PTPN21: variants seen among roughly 807,000 people sequenced by gnomAD.
PTPN21 encodes the protein tyrosine-protein phosphatase non-receptor type 21.
In PTPN21, 77 loss-of-function variants were observed where a neutral mutation model predicts 131.8. The ratio of observed to expected loss-of-function variants is 0.58; its 90% CI spans 0.49 to 0.71. The LOEUF is 0.71. Among genes scored for constraint, PTPN21 ranks in the 30% least tolerant of loss-of-function variants. The pLI, the probability that PTPN21 is intolerant of heterozygous loss-of-function variation, is 0.00. For synonymous variants in PTPN21, 715 were observed against 621.3 expected, an observed-to-expected ratio of 1.15 and a Z score of -2.24; for missense variants, 1,552 against 1,527.1, an observed-to-expected ratio of 1.02 and a Z score of -0.27.
At chr14:88,505,715 A>C (rs2139283366) in intron 4 of PTPN21, among the ~76,000 whole-genome samples, 1 of 152,364 alleles carries the variant, frequency 6.6e-6, no homozygotes, top group East Asian at 1.9e-4. Context: ...CCAAATTGTC[A>C]ACAGTACTGA....
chr14:88,510,882 A>AATGG (rs928937734), intron 3 of PTPN21, among the ~76,000 whole-genome samples: 2 of 151,990 alleles, frequency 1.3e-5, no homozygotes, highest in Admixed American at 6.6e-5. Context: ...AGGATGGATG[A>AATGG]ATGGATGGAT....
At chr14:88,531,919 A>AT (rs1348607652) in intron 2 of PTPN21, among the ~76,000 whole-genome samples, 1 of 152,202 alleles carries the variant, frequency 6.6e-6, no homozygotes, top group Non-Finnish European at 1.5e-5. Context: ...GAACTGGGAG[A>AT]TATTACAACC....
intron 13 of PTPN21, among the ~76,000 whole-genome samples, chr14:88,474,969 G>A (rs2077527572): frequency 6.6e-6 from 1 of 152,094 alleles, no homozygotes; most frequent in Non-Finnish European, 1.5e-5. Context: ...GCACATGCCT[G>A]TAATCCCAGC....
At chr14:88,486,869 G>A (rs932412093) in intron 10 of PTPN21, among the ~76,000 whole-genome samples, 7 of 151,598 alleles carry the variant, frequency 4.6e-5, no homozygotes, top group East Asian at 1.9e-4. Context: ...CCAGCTACTC[G>A]GGAGTCTGAG....
At chr14:88,532,908 A>T (rs1271541057) in intron 2 of PTPN21, among the ~76,000 whole-genome samples, 1 of 152,184 alleles carries the variant, frequency 6.6e-6, no homozygotes, top group Non-Finnish European at 1.5e-5. Flanking sequence ...AACAACAATC[A>T]CTGTTCCTAA....
intron 12 of PTPN21, among the ~76,000 whole-genome samples, chr14:88,482,944 G>A (rs1209824690): frequency 1.3e-5 from 2 of 151,872 alleles, no homozygotes; most frequent in Admixed American, 6.6e-5. Flanking sequence ...GCTGGGCACA[G>A]TGGCTCACAC....
chr14:88,498,144 C>T (rs112059760), intron 8 of PTPN21, among the ~76,000 whole-genome samples: 1,547 of 149,162 alleles, frequency 0.01, 10 homozygotes, highest in African/African-American at 0.036. Flanking sequence ...GGCGAGGTGG[C>T]AGGCACCTGT....
intron 2 of PTPN21, chr14:88,547,501 A>C (rs2078800292): frequency 3.5e-6 from 1 of 282,820 alleles, no homozygotes; most frequent in Non-Finnish European, 7.0e-6. Context: ...AGTTAAAAAA[A>C]AAATTAGCTG....
At chr14:88,509,363 A>G (rs934162855) in intron 3 of PTPN21, among the ~76,000 whole-genome samples, 4 of 152,180 alleles carry the variant, frequency 2.6e-5, no homozygotes, top group Non-Finnish European at 5.9e-5. Context: ...GTTACAGTTC[A>G]TGTTTGAATT....
At position 88,467,381 on chromosome 14, in the gene PTPN21, T is replaced by C. The variant is rs2077380977; in HGVS notation, c.*756A>G. 1.3e-5 allele frequency: 2 copies of C among 152,220 alleles called. No homozygotes were observed. Among genetic ancestry groups the C allele is most frequent in the Admixed American group, 1.3e-4 (2 of 15,286 alleles). The allele number at this position is 152,220 out of a possible 1,614,324, so 9.4% of individuals were successfully genotyped here. On this transcript the variant is annotated 3_prime_UTR_variant, in exon 19 of 19. Coordinates refer to ENST00000556564, the MANE Select transcript of PTPN21 (RefSeq NM_007039.4). Reference sequence around the variant, plus strand: ...ATGAATAATACTGAAAAAATAATGCTTATTCTCTTACATTTTAAATAATGT... The same window carrying C: ...ATGAATAATACTGAAAAAATAATGCCTATTCTCTTACATTTTAAATAATGT...
At chr14:88,501,643 A>T (rs2078010086) in intron 6 of PTPN21, among the ~76,000 whole-genome samples, 1 of 152,064 alleles carries the variant, frequency 6.6e-6, no homozygotes, top group Non-Finnish European at 1.5e-5. Context: ...CTTAGGGTGA[A>T]ATCTTGAACT....
chr14:88,469,454 A>G lies in PTPN21; in HGVS notation c.3235+45T>C. Reference sequence around the variant, plus strand: ...ACATAAATGTTCCTCTCTGTTTAACACCTCCAGAGGCAGCTGTCCTCGGAA... The same window carrying G: ...ACATAAATGTTCCTCTCTGTTTAACGCCTCCAGAGGCAGCTGTCCTCGGAA... On this transcript the variant is annotated intron_variant, in intron 17 of 18. Coordinates refer to ENST00000556564, the MANE Select transcript of PTPN21 (RefSeq NM_007039.4). The surrounding 1 kb of genome is among the most constrained non-coding windows in gnomAD (Gnocchi z 4.3). The G allele has an allele frequency of 2.7e-6, 4 of 1,469,794 alleles. No individual in the cohort carries two copies. Among genetic ancestry groups the G allele is most frequent in the Non-Finnish European group, 3.8e-6 (4 of 1,050,034 alleles). The allele number at this position is 1,469,794 out of a possible 1,614,324, so 91.0% of individuals were successfully genotyped here.
chr14:88,542,832 A>T (rs1036824382), intron 2 of PTPN21, among the ~76,000 whole-genome samples: 8 of 152,190 alleles, frequency 5.3e-5, no homozygotes, highest in African/African-American at 1.9e-4. Context: ...AACCAACCTA[A>T]CATTATATTT....
intron 18 of PTPN21, 45 bp from the exon 19 acceptor site, chr14:88,468,310 G>T: frequency 2.0e-6 from 3 of 1,515,154 alleles, no homozygotes; most frequent in Non-Finnish European, 2.7e-6. Context: ...TTCCCCTGGG[G>T]AGACAGAAAG....
At chr14:88,474,124 T>G in intron 13 of PTPN21, among the ~76,000 whole-genome samples, 1 of 64,102 alleles carries the variant, frequency 1.6e-5, no homozygotes. Flanking sequence ...ACAAATCAGC[T>G]GAAGTCCAAA....
chr14:88,478,076 G>A (rs1379685799), intron 13 of PTPN21, among the ~76,000 whole-genome samples: 5 of 152,132 alleles, frequency 3.3e-5, no homozygotes, highest in African/African-American at 1.2e-4. Context: ...TAATATCTAA[G>A]TCTGTTTCTT....
intron 2 of PTPN21, among the ~76,000 whole-genome samples, chr14:88,535,482 C>T (rs1474371551): frequency 1.3e-5 from 2 of 152,178 alleles, no homozygotes; most frequent in Admixed American, 6.5e-5. Flanking sequence ...GAATGTCTCA[C>T]TTCCTCACTG....
intron 2 of PTPN21, among the ~76,000 whole-genome samples, chr14:88,521,190 C>T (rs563773638): frequency 7.0e-4 from 106 of 152,084 alleles, no homozygotes; most frequent in Non-Finnish European, 1.4e-3. Flanking sequence ...CACCCATTCT[C>T]TCCACCAACA....
intron 13 of PTPN21, 90 bp downstream of exon 13, chr14:88,478,830 G>T: frequency 1.3e-6 from 1 of 789,026 alleles, no homozygotes; most frequent in Non-Finnish European, 1.8e-6. Context: ...AGAACAAGAG[G>T]AGCTGAAAAA....
Sources: allele counts gnomAD v4.1 joint callset (sites outside exome capture counted in the v4.1 genomes callset), GRCh38; gene constraint gnomAD v4.1.1; non-coding constraint Gnocchi (gnomAD v3.1); transcripts MANE v1.5; gene names NCBI Gene and HGNC (gene_info 2026-07-23, HGNC 2026-07-21).